Variants in PSMD1 observed in about 807,000 individuals in gnomAD.
The protein encoded by PSMD1 is proteasome 26S subunit, non-ATPase 1.
PSMD1 carries 18 observed loss-of-function variants against 119.0 expected under a neutral mutation model. The ratio of observed to expected loss-of-function variants is 0.15; its 90% CI spans 0.10 to 0.22. PSMD1 has a LOEUF of 0.22. Ranked by LOEUF, PSMD1 falls within the 10% of genes least tolerant of loss-of-function variation. The pLI is 1.00. For missense variants in PSMD1, 702 were observed against 1,158.5 expected, an observed-to-expected ratio of 0.61 and a Z score of 5.72; for synonymous variants, 374 against 396.6, an observed-to-expected ratio of 0.94 and a Z score of 0.68.
chr2:231,170,537 T>C lies in PSMD1; in HGVS notation c.2716-29T>C. The stretch of plus-strand genomic sequence containing the variant: ...GTGGAGCACGCTTGAAATATGAGTG[T>C]ACGCTTCTGCACGCCCCTGTGTTTC... On this transcript the variant is annotated intron_variant, in intron 23 of 24. Transcript: ENST00000308696. This position sits in a 1 kb window ranked among gnomAD's most constrained non-coding sequence, Gnocchi z 4.1. The C allele has an allele frequency of 1.9e-6, 3 of 1,578,226 alleles. No homozygotes were observed. Among genetic ancestry groups the C allele is most frequent in the Non-Finnish European group, 2.6e-6 (3 of 1,163,920 alleles).
At chr2:231,099,827 C>A (rs1694819794) in intron 16 of PSMD1, among the ~76,000 whole-genome samples, 1 of 152,106 alleles carries the variant, frequency 6.6e-6, no homozygotes, top group African/African-American at 2.4e-5. Flanking sequence ...CCACCCCGAC[C>A]AAGGAGTAGT....
chr2:231,084,987 G>A, intron 14 of PSMD1, 32 bp from the exon 15 acceptor site: 1 of 1,547,172 alleles, frequency 6.5e-7, no homozygotes, highest in Non-Finnish European at 8.9e-7. Flanking sequence ...TTTGAAATAA[G>A]TTGATGATTA....
intron 19 of PSMD1, among the ~76,000 whole-genome samples, chr2:231,157,806 A>G (rs879568054): frequency 5.3e-5 from 8 of 151,762 alleles, no homozygotes; most frequent in Non-Finnish European, 8.8e-5. Context: ...ATCTCAGGCA[A>G]TCCACCCACC....
chr2:231,110,202 C>G (rs182754053), intron 16 of PSMD1, among the ~76,000 whole-genome samples: 1 of 152,236 alleles, frequency 6.6e-6, no homozygotes, highest in East Asian at 1.9e-4. Flanking sequence ...CGCCTGTACT[C>G]CCAGCTACTC....
At chr2:231,115,473 T>G (rs1206335719) in intron 16 of PSMD1, among the ~76,000 whole-genome samples, 3 of 152,104 alleles carry the variant, frequency 2.0e-5, no homozygotes. Context: ...AAAGAATAAA[T>G]GATTGGGACT....
At chr2:231,083,814 A>T (rs1268645701) in intron 14 of PSMD1, 51 bp downstream of exon 14, 15 of 1,558,584 alleles carry the variant, frequency 9.6e-6, no homozygotes, top group Non-Finnish European at 1.3e-5. Flanking sequence ...CATGTAAAAA[A>T]CACTTAACTT....
chr2:231,123,935 A>G (rs577406334), intron 16 of PSMD1: 3 of 659,614 alleles, frequency 4.5e-6, no homozygotes, highest in Non-Finnish European at 8.2e-6. Context: ...GAGCGCATAC[A>G]CACATCTGTC....
chr2:231,134,985 A>G (rs1449156125), intron 16 of PSMD1, among the ~76,000 whole-genome samples: 1 of 152,218 alleles, frequency 6.6e-6, no homozygotes, highest in African/African-American at 2.4e-5. Flanking sequence ...AAATTATTTT[A>G]CCTATAGTAC....
chr2:231,095,386 G>A (rs1308611266), intron 16 of PSMD1, among the ~76,000 whole-genome samples: 1 of 152,232 alleles, frequency 6.6e-6, no homozygotes, highest in African/African-American at 2.4e-5. Flanking sequence ...ATATTTCCAA[G>A]GAGAGGACAT....
At chr2:231,093,205 G>A (rs910026059) in intron 16 of PSMD1, among the ~76,000 whole-genome samples, 1 of 152,210 alleles carries the variant, frequency 6.6e-6, no homozygotes, top group Non-Finnish European at 1.5e-5. Context: ...TAAGAGATGA[G>A]CCCAATAGAG....
At chr2:231,128,313 T>A (rs1044605824) in intron 16 of PSMD1, among the ~76,000 whole-genome samples, 1 of 152,246 alleles carries the variant, frequency 6.6e-6, no homozygotes, top group Non-Finnish European at 1.5e-5. Context: ...TTGGTAACTA[T>A]AGTACAGATA....
intron 7 of PSMD1, among the ~76,000 whole-genome samples, 166 bp downstream of exon 7, chr2:231,072,581 G>A (rs1282658429): frequency 1.3e-5 from 2 of 151,970 alleles, no homozygotes; most frequent in African/African-American, 4.8e-5. Context: ...ACTGTGCTGG[G>A]TGTAGTAAGG....
chr2:231,111,060 A>C (rs1695141418), intron 16 of PSMD1, among the ~76,000 whole-genome samples: 1 of 152,070 alleles, frequency 6.6e-6, no homozygotes, highest in South Asian at 2.1e-4. Context: ...CCTCCATGAC[A>C]TTTGTTCATC....
chr2:231,068,364 C>G (rs1693956816), intron 5 of PSMD1, among the ~76,000 whole-genome samples: 1 of 152,144 alleles, frequency 6.6e-6, no homozygotes, highest in African/African-American at 2.4e-5. Context: ...TTAGCCCATC[C>G]TTGTCTTCGT....
chr2:231,113,913 G>A, intron 16 of PSMD1: 1 of 1,614,030 alleles, frequency 6.2e-7, no homozygotes, highest in Non-Finnish European at 8.5e-7. Context: ...GAACAAGTGG[G>A]AGGGGCCACA....
chr2:231,064,874 C>G (rs982947037), intron 4 of PSMD1, among the ~76,000 whole-genome samples: 6 of 150,394 alleles, frequency 4.0e-5, no homozygotes, highest in Non-Finnish European at 8.8e-5. Context: ...GTTGGCCAGG[C>G]TGGTCTTAAA....
chr2:231,171,633 C>T (rs1262141890), intron 24 of PSMD1, among the ~76,000 whole-genome samples: 3 of 150,714 alleles, frequency 2.0e-5, no homozygotes, highest in African/African-American at 7.3e-5. Flanking sequence ...CTTGGCTCAC[C>T]GCAACCTCCG....
At chr2:231,130,999 A>G (rs1480884258) in intron 16 of PSMD1, among the ~76,000 whole-genome samples, 5 of 152,078 alleles carry the variant, frequency 3.3e-5, no homozygotes, top group African/African-American at 9.7e-5. Flanking sequence ...GATTTAATGT[A>G]TTTTCTTTTA....
chr2:231,095,108 G>T (rs1170176278), intron 16 of PSMD1, among the ~76,000 whole-genome samples: 3 of 152,154 alleles, frequency 2.0e-5, no homozygotes, highest in Non-Finnish European at 2.9e-5. Flanking sequence ...GGGTCTATGC[G>T]ATTTAGTTGC....
Sources: gnomAD v4.1 joint callset for allele counts (sites outside exome capture counted in the v4.1 genomes callset) on GRCh38, gnomAD v4.1.1 for gene constraint, Gnocchi (gnomAD v3.1) non-coding constraint, MANE v1.5 for transcripts, NCBI Gene and HGNC (gene_info 2026-07-23, HGNC 2026-07-21) for gene names.